The following HIF1AN variants were observed in gnomAD, a reference collection of about 807,000 sequenced individuals.
HIF1AN encodes hypoxia inducible factor 1 subunit alpha inhibitor.
In HIF1AN, 21 loss-of-function variants were observed where a neutral mutation model predicts 47.7. That is an observed-to-expected ratio of 0.44 (90% CI 0.31 to 0.63). The LOEUF (loss-of-function observed/expected upper bound fraction) is 0.63, where lower values mean the gene tolerates loss of function less well. HIF1AN is among the 30% of genes least tolerant of loss of function. HIF1AN has a pLI of 0.07. For missense variants in HIF1AN, 320 were observed against 432.7 expected (o/e 0.74, Z 2.31); for synonymous variants, 152 against 155.9 (o/e 0.98, Z 0.18).
intron 3 of HIF1AN, among the ~76,000 whole-genome samples, chr10:100,542,949 C>CTTAT (rs1843057600): frequency 7.5e-6 from 1 of 134,088 alleles, no homozygotes. Context: ...TTGTCTCATT[C>CTTAT]TTATTTTTAT....
rs761730952 is a variant in HIF1AN, at chr10:100,552,601, G to A, written c.*4464G>A. 2.6e-5 allele frequency: 4 copies of A among 152,380 alleles called. No homozygotes were observed. The highest frequency in any genetic ancestry group is 5.9e-5 in the Non-Finnish European group (4 of 68,180). 9.4% of individuals were successfully genotyped at this position (152,380 alleles called of 1,614,324 possible). ...CCAGCCTCCCTCTCCAGAGCTGCCTGCAGTTTCCCTTATTCAGCTGTCTCC... is the reference window on the plus strand; with the variant it reads ...CCAGCCTCCCTCTCCAGAGCTGCCTACAGTTTCCCTTATTCAGCTGTCTCC... On this transcript the variant is annotated 3_prime_UTR_variant, in exon 8 of 8. Transcript: ENST00000299163.
Position 100,555,854 on chromosome 10 carries a change from T to G in HIF1AN, c.*7717T>G, listed in dbSNP as rs1843210243. 6.6e-6 allele frequency: 1 copy of G among 152,230 alleles called. No individual in the cohort carries two copies. The allele number at this position is 152,230 out of a possible 1,614,324, so 9.4% of individuals were successfully genotyped here. ...CATCTAAGCTAAGCTTGGGCCAGGT[T>G]TTTATTACCTCTTGAATATATATAG... On this transcript the variant is annotated 3_prime_UTR_variant, in exon 8 of 8. Transcript: ENST00000299163.
At chr10:100,546,440 G>GGCCCC in intron 5 of HIF1AN, 78 bp from the exon 6 acceptor site, 13 of 750,754 alleles carry the variant, frequency 1.7e-5, no homozygotes, top group East Asian at 2.7e-5. Context: ...GCCCAACCCT[G>GGCCCC]CCACCCCCCC....
rs549499600 is a variant in HIF1AN at position 100,557,839 on chromosome 10, G to A, written c.*9702G>A. On this transcript the variant is annotated 3_prime_UTR_variant, in exon 8 of 8. Coordinates refer to ENST00000299163, the MANE Select transcript of HIF1AN (RefSeq NM_017902.3). ...TAATTCAGAACTTAGTGCCTAGTAA[G>A]TGCTCAGTAAATGTTAGTTTCTTTT... is the stretch of plus-strand genomic sequence containing the variant. 1 of 152,294 alleles carries A rather than the reference G, an allele frequency of 6.6e-6. No homozygotes were observed. The highest frequency in any genetic ancestry group is 2.1e-4 in the South Asian group (1 of 4,828). The allele number at this position is 152,294 out of a possible 1,614,324, so 9.4% of individuals were successfully genotyped here.
intron 2 of HIF1AN, 90 bp downstream of exon 2, chr10:100,536,751 A>G (rs887116155): frequency 9.1e-6 from 13 of 1,428,600 alleles, no homozygotes; most frequent in African/African-American, 4.3e-5. Flanking sequence ...AATTGGGTCA[A>G]TTAGAGATTG....
intron 2 of HIF1AN, 107 bp downstream of exon 2, chr10:100,536,768 C>A: frequency 8.1e-7 from 1 of 1,235,970 alleles, no homozygotes; most frequent in Non-Finnish European, 1.1e-6. Context: ...ATTGGCCTCT[C>A]CCATCTCTGG....
In HIF1AN at chr10:100,555,893, A is replaced by G. The variant is rs554616142; in HGVS notation, c.*7756A>G. On this transcript the variant is annotated 3_prime_UTR_variant, in exon 8 of 8. Transcript: ENST00000299163. ...GAATATATATAGTGCAATATAGTGT[A>G]GTGGTTGAGAGTGGAGTCTGCATAC... 2.0e-5 allele frequency: 3 copies of G among 152,338 alleles called. No homozygotes were observed. The East Asian group carries it at 5.8e-4, about 29-fold the overall frequency. 9.4% of individuals were successfully genotyped at this position (152,338 alleles called of 1,614,324 possible).
chr10:100,555,383 C>G lies in HIF1AN; in HGVS notation c.*7246C>G. The G allele has an allele frequency of 6.6e-6, 1 of 152,244 alleles. No homozygotes were observed. Among genetic ancestry groups the G allele is most frequent in the East Asian group, 1.9e-4 (1 of 5,204 alleles). The allele number at this position is 152,244 out of a possible 1,614,324, so 9.4% of individuals were successfully genotyped here. ...GCCTCTGGAGCCACCCTGCCAGACCCTACTTGGAAGAAATGTTGAATCAAG... is the reference window on the plus strand; with the variant it reads ...GCCTCTGGAGCCACCCTGCCAGACCGTACTTGGAAGAAATGTTGAATCAAG... On this transcript the variant is annotated 3_prime_UTR_variant, in exon 8 of 8. Transcript: ENST00000299163.
chr10:100,545,288 G>T (rs937316688), intron 4 of HIF1AN, 192 bp downstream of exon 4: 1 of 545,822 alleles, frequency 1.8e-6, no homozygotes, highest in Non-Finnish European at 3.2e-6. Context: ...CCAGATGTTT[G>T]TAAGTATAAC....
rs1423100803 is a variant in HIF1AN at position 100,551,899 on chromosome 10, A to T, written c.*3762A>T. ...GAGAGGAGGAAACCAGTAGAGAGCA[A>T]AGCTCTACCCAGGCTCCTTGTAAGC... On this transcript the variant is annotated 3_prime_UTR_variant, in exon 8 of 8. Transcript: ENST00000299163. 1 of 152,098 alleles carries T rather than the reference A, an allele frequency of 6.6e-6. No homozygotes were observed. Among genetic ancestry groups the T allele is most frequent in the Non-Finnish European group, 1.5e-5 (1 of 68,024 alleles). The allele number at this position is 152,098 out of a possible 1,614,324, so 9.4% of individuals were successfully genotyped here.
In HIF1AN at chr10:100,546,194, T is replaced by C. The variant is rs1843092227; in HGVS notation, c.830+145T>C. 2.3e-5 allele frequency: 15 copies of C among 655,328 alleles called. No individual in the cohort carries two copies. In the South Asian group the frequency reaches 2.8e-4, roughly 12 times the overall value. The allele number at this position is 655,328 out of a possible 1,614,324, so 40.6% of individuals were successfully genotyped here. ...TTGGCATATCCAGACATGAGCGTAC[T>C]GAACCTGTGGGGGATAGTGGCGGGA... is the stretch of plus-strand genomic sequence containing the variant. On this transcript the variant is annotated intron_variant, in intron 5 of 7. Transcript: ENST00000299163.
chr10:100,555,611 A>C lies in HIF1AN; in HGVS notation c.*7474A>C, dbSNP rs1056594554. 2.0e-5 allele frequency: 3 copies of C among 152,288 alleles called. No homozygotes were observed. Among genetic ancestry groups the C allele is most frequent in the Non-Finnish European group, 4.4e-5 (3 of 68,094 alleles). 9.4% of individuals were successfully genotyped at this position (152,288 alleles called of 1,614,324 possible). Reference sequence around the variant, plus strand: ...TGGTCCCTAGCTTTGTGGGTGAAGAAGATACCTCTTTAGCTTGTGCCAACC... The same window carrying C: ...TGGTCCCTAGCTTTGTGGGTGAAGACGATACCTCTTTAGCTTGTGCCAACC... On this transcript the variant is annotated 3_prime_UTR_variant, in exon 8 of 8. Transcript: ENST00000299163.
intron 3 of HIF1AN, among the ~76,000 whole-genome samples, chr10:100,541,718 T>C (rs1843035532): frequency 6.6e-6 from 1 of 152,168 alleles, no homozygotes; most frequent in Admixed American, 6.5e-5. Context: ...CCTTTTCCCT[T>C]CCTCAGCTGT....
chr10:100,542,591 A>G (rs750982452), intron 3 of HIF1AN, among the ~76,000 whole-genome samples: 1 of 152,034 alleles, frequency 6.6e-6, no homozygotes, highest in Admixed American at 6.5e-5. Flanking sequence ...TCCTGACCTC[A>G]TGATCCACCT....
chr10:100,546,412 A>G (rs1843094007), intron 5 of HIF1AN, 106 bp from the exon 6 acceptor site: 3 of 807,120 alleles, frequency 3.7e-6, no homozygotes, highest in African/African-American at 3.4e-5. Context: ...CCGTAACTGG[A>G]CTCCACCTAG....
In HIF1AN at chr10:100,555,592, C is replaced by T. The variant is rs1843208014; in HGVS notation, c.*7455C>T. On this transcript the variant is annotated 3_prime_UTR_variant, in exon 8 of 8. Coordinates refer to ENST00000299163, the MANE Select transcript of HIF1AN (RefSeq NM_017902.3). ...ATCCTCTTGCCTCAGACCCTGGTCC[C>T]TAGCTTTGTGGGTGAAGAAGATACC... 6.6e-6 allele frequency: 1 copy of T among 152,300 alleles called. No individual in the cohort carries two copies. The highest frequency in any genetic ancestry group is 1.5e-5 in the Non-Finnish European group (1 of 68,112). The allele number at this position is 152,300 out of a possible 1,614,324, so 9.4% of individuals were successfully genotyped here.
chr10:100,537,521 G>A (rs1290687213), intron 2 of HIF1AN, among the ~76,000 whole-genome samples: 1 of 152,190 alleles, frequency 6.6e-6, no homozygotes, highest in Admixed American at 6.5e-5. Flanking sequence ...GCTTAGGGAA[G>A]ATCAGATTAA....
At chr10:100,544,434 G>A (rs1843075413) in intron 3 of HIF1AN, among the ~76,000 whole-genome samples, 2 of 152,212 alleles carry the variant, frequency 1.3e-5, no homozygotes, top group African/African-American at 2.4e-5. Flanking sequence ...TATTGCATTC[G>A]TTAGGTGTAT....
At position 100,550,048 on chromosome 10, in the gene HIF1AN, A is replaced by T. The variant is rs1843141866; in HGVS notation, c.*1911A>T. On this transcript the variant is annotated 3_prime_UTR_variant, in exon 8 of 8. Coordinates refer to ENST00000299163, the MANE Select transcript of HIF1AN (RefSeq NM_017902.3). ...CTCTCCACTTCTTTTGGGAAAGAGG[A>T]GCACAGGAGCGGAGGAAAAACTTGG... 6.6e-6 allele frequency: 1 copy of T among 152,206 alleles called. No individual in the cohort carries two copies. The highest frequency in any genetic ancestry group is 2.4e-5 in the African/African-American group (1 of 41,432). 9.4% of individuals were successfully genotyped at this position (152,206 alleles called of 1,614,324 possible).
Sources: gnomAD v4.1 joint callset for allele counts (sites outside exome capture counted in the v4.1 genomes callset) on GRCh38, gnomAD v4.1.1 for gene constraint, MANE v1.5 for transcripts, NCBI Gene and HGNC (gene_info 2026-07-23, HGNC 2026-07-21) for gene names.